Variants in LINGO2 observed in about 807,000 individuals in gnomAD.
The protein encoded by LINGO2 is leucine-rich repeat and immunoglobulin-like domain-containing nogo receptor-interacting protein 2.
LINGO2 carries 14 observed loss-of-function variants against 30.6 expected under a neutral mutation model. That is an observed-to-expected ratio of 0.46 (90% CI 0.30 to 0.72). The LOEUF (loss-of-function observed/expected upper bound fraction) is 0.72. Ranked by LOEUF, LINGO2 falls within the 30% of genes least tolerant of loss-of-function variation. The pLI is 0.07. For missense variants in LINGO2, 729 were observed against 751.7 expected, an observed-to-expected ratio of 0.97 and a Z score of 0.35; for synonymous variants, 317 against 288.5, an observed-to-expected ratio of 1.10 and a Z score of -1.00.
chr9:28,462,528 G>A (rs546104840), intron 2 of LINGO2, among the ~76,000 whole-genome samples: 2 of 151,814 alleles, frequency 1.3e-5, no homozygotes, highest in East Asian at 3.9e-4. Context: ...CAAATAGGGG[G>A]AAAAAATGGA....
At chr9:28,390,889 A>C (rs1356559722) in intron 2 of LINGO2, among the ~76,000 whole-genome samples, 1 of 152,148 alleles carries the variant, frequency 6.6e-6, no homozygotes, top group Admixed American at 6.6e-5. Context: ...AAAAGCGTCT[A>C]TCTCTTTTAT....
chr9:29,050,389 T>C, the LINGO2 span, among the ~76,000 whole-genome samples: 15 of 152,196 alleles, frequency 9.9e-5, no homozygotes, highest in African/African-American at 3.1e-4. Flanking sequence ...AATATACACG[T>C]CTGCTATGTA....
At chr9:28,321,161 G>A (rs16912704) in intron 3 of LINGO2, among the ~76,000 whole-genome samples, 4,020 of 152,166 alleles carry the variant, frequency 0.026, 168 homozygotes, top group African/African-American at 0.091. Flanking sequence ...TTATCAAAGA[G>A]TTGAATACAA....
chr9:28,507,212 A>AGTGTGTGT lies in LINGO2; in HGVS notation c.-364-31195_-364-31188dup, dbSNP rs74182511. 6.2e-3 allele frequency among the ~76,000 whole-genome samples: 928 copies of AGTGTGTGT among 148,982 alleles called. 6 individuals carry two copies. The highest frequency in any genetic ancestry group is 0.015 in the African/African-American group (593 of 40,544). ...AATAGACCTTACTGCATTTCAGAGG[A>AGTGTGTGT]GTGTGTGTGTGTGTGTGTGTGTGTG... On this transcript the variant is annotated intron_variant, in intron 1 of 5. Transcript: ENST00000379992.
the LINGO2 span, among the ~76,000 whole-genome samples, chr9:28,970,410 T>C: frequency 6.6e-6 from 1 of 152,110 alleles, no homozygotes; most frequent in East Asian, 1.9e-4. Context: ...GAAAAGCACC[T>C]TCATCAGAAC....
chr9:27,993,443 T>TG (rs5897266), intron 5 of LINGO2, among the ~76,000 whole-genome samples: 35,643 of 151,766 alleles, frequency 0.23, 4,708 homozygotes, highest in African/African-American at 0.37. Context: ...GAGGCTGAGG[T>TG]GGAGGATTGC....
chr9:28,718,126 T>G, the LINGO2 span, among the ~76,000 whole-genome samples: 2 of 151,784 alleles, frequency 1.3e-5, no homozygotes, highest in African/African-American at 4.8e-5. Flanking sequence ...TAAGAAAAGC[T>G]TCATGGGGGA....
intron 4 of LINGO2, among the ~76,000 whole-genome samples, chr9:28,059,284 G>A (rs990009657): frequency 1.3e-5 from 2 of 152,048 alleles, no homozygotes; most frequent in African/African-American, 2.4e-5. Context: ...CTGTTTCTTT[G>A]TTGGATTACC....
At chr9:28,511,649 A>T (rs1286213075) in intron 1 of LINGO2, among the ~76,000 whole-genome samples, 1 of 152,184 alleles carries the variant, frequency 6.6e-6, no homozygotes, top group Non-Finnish European at 1.5e-5. Flanking sequence ...GTTTTTGGCC[A>T]CTCAGAGAGG....
At chr9:28,418,275 CTTT>C (rs3064826) in intron 2 of LINGO2, among the ~76,000 whole-genome samples, 2 of 106,732 alleles carry the variant, frequency 1.9e-5, no homozygotes, top group African/African-American at 3.7e-5. Context: ...AGGCCATGTA[CTTT>C]TTTTTTTTTT....
At chr9:28,428,561 A>C (rs909757102) in intron 2 of LINGO2, among the ~76,000 whole-genome samples, 4 of 152,174 alleles carry the variant, frequency 2.6e-5, no homozygotes, top group African/African-American at 9.6e-5. Flanking sequence ...ACTGCTTGGC[A>C]ATGCAGCGGG....
chr9:28,186,291 ATT>A (rs1468384975), intron 4 of LINGO2, among the ~76,000 whole-genome samples: 13 of 152,298 alleles, frequency 8.5e-5, no homozygotes, highest in African/African-American at 3.1e-4. Flanking sequence ...CGCTGATTCT[ATT>A]CAATGATACT....
intron 1 of LINGO2, among the ~76,000 whole-genome samples, chr9:28,568,103 C>T (rs538084030): frequency 1.3e-5 from 2 of 152,184 alleles, no homozygotes; most frequent in South Asian, 2.1e-4. Flanking sequence ...ACTCTCATCT[C>T]CCCACAGTGA....
At chr9:28,197,754 A>C (rs1479918044) in intron 4 of LINGO2, among the ~76,000 whole-genome samples, 1 of 151,992 alleles carries the variant, frequency 6.6e-6, no homozygotes, top group Non-Finnish European at 1.5e-5. Flanking sequence ...AAAATGATCA[A>C]ATCAAAAGAT....
chr9:28,912,954 A>T, the LINGO2 span, among the ~76,000 whole-genome samples: 3 of 152,064 alleles, frequency 2.0e-5, no homozygotes, highest in African/African-American at 7.2e-5. Context: ...TTGGTGCTAG[A>T]TCTTTCACAT....
chr9:28,772,366 T>A, the LINGO2 span, among the ~76,000 whole-genome samples: 1 of 152,204 alleles, frequency 6.6e-6, no homozygotes, highest in Non-Finnish European at 1.5e-5. Context: ...ATCTTTACTA[T>A]TAGTAACATC....
chr9:28,869,427 G>A, the LINGO2 span, among the ~76,000 whole-genome samples: 3 of 152,038 alleles, frequency 2.0e-5, no homozygotes, highest in Non-Finnish European at 4.4e-5. Flanking sequence ...GTGACCAGAG[G>A]ATGAACAAGG....
At chr9:28,307,435 C>T (rs1322713108) in intron 3 of LINGO2, among the ~76,000 whole-genome samples, 7 of 152,082 alleles carry the variant, frequency 4.6e-5, no homozygotes, top group South Asian at 2.1e-4. Flanking sequence ...TATCTCAAAA[C>T]AATAAGAGCT....
the LINGO2 span, among the ~76,000 whole-genome samples, chr9:28,795,211 C>T: frequency 6.6e-6 from 1 of 152,118 alleles, no homozygotes; most frequent in African/African-American, 2.4e-5. Context: ...GGACTTTGTG[C>T]CTGTCTTGTT....
Sources: gnomAD v4.1 joint callset for allele counts (sites outside exome capture counted in the v4.1 genomes callset) on GRCh38, gnomAD v4.1.1 for gene constraint, MANE v1.5 for transcripts, NCBI Gene and HGNC (gene_info 2026-07-23, HGNC 2026-07-21) for gene names.